The following GPAM variants were observed in gnomAD, a reference collection of about 807,000 sequenced individuals.
The protein encoded by GPAM is glycerol-3-phosphate acyltransferase 1, mitochondrial.
A neutral mutation model predicts 105.0 loss-of-function variants in GPAM; 56 were observed. The ratio of observed to expected loss-of-function variants is 0.53; its 90% CI spans 0.43 to 0.67. The LOEUF (loss-of-function observed/expected upper bound fraction) is 0.67. GPAM is among the 30% of genes least tolerant of loss of function. The probability of loss-of-function intolerance (pLI) is 0.00; values close to 1 mark genes in which losing one functional copy is unlikely to be tolerated. For synonymous variants in GPAM, 368 were observed against 354.4 expected (o/e 1.04, Z -0.43); for missense variants, 855 against 989.8 (o/e 0.86, Z 1.83).
chr10:112,166,335 G>C (rs1589585947), intron 12 of GPAM, 67 bp downstream of exon 12: 1 of 843,886 alleles, frequency 1.2e-6, no homozygotes, highest in Non-Finnish European at 2.1e-6. Flanking sequence ...GCTGTTAAGA[G>C]TCAGCACTGG....
intron 1 of GPAM, among the ~76,000 whole-genome samples, chr10:112,202,964 G>C (rs1366385984): frequency 6.6e-6 from 1 of 152,162 alleles, no homozygotes; most frequent in Non-Finnish European, 1.5e-5. Context: ...TTGGGTCTAG[G>C]CTGGGAGTCA....
intron 1 of GPAM, among the ~76,000 whole-genome samples, chr10:112,194,334 C>T (rs1000323795): frequency 1.3e-5 from 2 of 152,180 alleles, no homozygotes; most frequent in African/African-American, 4.8e-5. Context: ...AACCAAAGGT[C>T]GTAATGTAGA....
At chr10:112,184,568 C>T (rs1564685257), upstream of GPAM, among the ~76,000 whole-genome samples, 1 of 152,206 alleles carries the variant, frequency 6.6e-6, no homozygotes, top group African/African-American at 2.4e-5. Context: ...TGAATTTACT[C>T]TCCTGCCTAA....
chr10:112,164,721 C>T, intron 12 of GPAM, 111 bp from the exon 13 acceptor site: 1 of 718,918 alleles, frequency 1.4e-6, no homozygotes, highest in Middle Eastern at 2.4e-4. Context: ...ATAAGCCATG[C>T]TATAGAGCAT....
intron 8 of GPAM, among the ~76,000 whole-genome samples, chr10:112,172,611 G>T (rs1589591289): frequency 6.6e-6 from 1 of 152,178 alleles, no homozygotes; most frequent in East Asian, 1.9e-4. Context: ...ACAGGTTTTG[G>T]AGTCAGGCTT....
intron 5 of GPAM, among the ~76,000 whole-genome samples, chr10:112,176,928 T>A (rs189848399): frequency 6.6e-6 from 1 of 152,176 alleles, no homozygotes; most frequent in East Asian, 1.9e-4. Context: ...CGATTTTCCT[T>A]AACTGTCTCT....
At chr10:112,219,433 C>T (rs941060398), upstream of GPAM, among the ~76,000 whole-genome samples, 64 of 152,322 alleles carry the variant, frequency 4.2e-4, no homozygotes, top group African/African-American at 1.5e-3. Flanking sequence ...AGCTAGGCAC[C>T]TCACAGCCCC....
chr10:112,200,029 A>G (rs865980655), intron 1 of GPAM, among the ~76,000 whole-genome samples: 7 of 151,812 alleles, frequency 4.6e-5, no homozygotes, highest in Non-Finnish European at 7.4e-5. Context: ...AAAAAGAATC[A>G]CTGTATGAAA....
At chr10:112,218,844 T>C (rs1184998564), upstream of GPAM, among the ~76,000 whole-genome samples, 2 of 152,272 alleles carry the variant, frequency 1.3e-5, no homozygotes, top group Non-Finnish European at 1.5e-5. Flanking sequence ...CGTGGGAGTG[T>C]CTTTTGGCAT....
intron 4 of GPAM, among the ~76,000 whole-genome samples, chr10:112,178,258 T>A (rs1223049388): frequency 6.6e-6 from 1 of 152,136 alleles, no homozygotes; most frequent in East Asian, 1.9e-4. Flanking sequence ...ATCTTTAAAA[T>A]CTTAAAACTA....
In GPAM at chr10:112,161,748, AAC is replaced by A; in HGVS notation, c.1424-13_1424-12del. On this transcript the variant is annotated splice_polypyrimidine_tract_variant and intron_variant, in intron 14 of 21. Transcript: ENST00000348367. ...AGGACTTGCTAGCAGCTGGAAGGCA[AAC>A]ACAAAGCTTTTTTTAGTTGCACTTT... The A allele has an allele frequency of 6.2e-7, 1 of 1,613,064 alleles. No individual in the cohort carries two copies. Among genetic ancestry groups the A allele is most frequent in the African/African-American group, 1.3e-5 (1 of 75,036 alleles).
At chr10:112,160,378 A>G in intron 16 of GPAM, 2 of 970,728 alleles carry the variant, frequency 2.1e-6, no homozygotes, top group Non-Finnish European at 2.4e-6. Flanking sequence ...AAGACACTCT[A>G]CCTCTCCTGA....
At chr10:112,169,334 T>TGGCA (rs1417035926) in intron 9 of GPAM, among the ~76,000 whole-genome samples, 1 of 152,218 alleles carries the variant, frequency 6.6e-6, no homozygotes, top group African/African-American at 2.4e-5. Context: ...AATTTGCGCA[T>TGGCA]GGCATGTTTA....
chr10:112,218,112 G>C (rs1223338427), upstream of GPAM, among the ~76,000 whole-genome samples: 1 of 152,236 alleles, frequency 6.6e-6, no homozygotes, highest in African/African-American at 2.4e-5. Context: ...CTGATTCCCA[G>C]ACACAGGTGA....
chr10:112,159,884 A>G (rs778837689), intron 17 of GPAM, 27 bp downstream of exon 17: 1 of 1,610,950 alleles, frequency 6.2e-7, no homozygotes, highest in Non-Finnish European at 8.5e-7. Context: ...AAAAGAGACC[A>G]GGCAACACTG....
At chr10:112,175,862 G>C in intron 5 of GPAM, 149 bp from the exon 6 acceptor site, 1 of 634,910 alleles carries the variant, frequency 1.6e-6, no homozygotes, top group Non-Finnish European at 2.9e-6. Flanking sequence ...CTCCTTAGTA[G>C]TTCAGAATGT....
At chr10:112,219,652 T>C (rs1307122686), upstream of GPAM, among the ~76,000 whole-genome samples, 1 of 152,232 alleles carries the variant, frequency 6.6e-6, no homozygotes, top group Non-Finnish European at 1.5e-5. Context: ...ACTTATTACA[T>C]TTTCCCTCCT....
intron 1 of GPAM, among the ~76,000 whole-genome samples, chr10:112,191,720 T>C (rs562912327): frequency 6.6e-6 from 1 of 152,242 alleles, no homozygotes; most frequent in East Asian, 1.9e-4. Context: ...AAATTCTAAA[T>C]GGGCCTTTGT....
chr10:112,207,372 A>G (rs376238043), intron 1 of GPAM, among the ~76,000 whole-genome samples: 5 of 152,346 alleles, frequency 3.3e-5, no homozygotes, highest in African/African-American at 1.2e-4. Flanking sequence ...AGGTCCACAC[A>G]GCTGGCAGAG....
Sources: allele counts gnomAD v4.1 joint callset (sites outside exome capture counted in the v4.1 genomes callset), GRCh38; gene constraint gnomAD v4.1.1; transcripts MANE v1.5; gene names NCBI Gene and HGNC (gene_info 2026-07-23, HGNC 2026-07-21).